The following ATP11A variants were observed in gnomAD, a reference collection of about 807,000 sequenced individuals.
The protein encoded by ATP11A is ATPase phospholipid transporting 11A.
A neutral mutation model predicts 154.4 loss-of-function variants in ATP11A; 81 were observed. The observed-to-expected ratio is 0.52, with a 90% CI of 0.44 to 0.63. The LOEUF (loss-of-function observed/expected upper bound fraction) is 0.63. Among genes scored for constraint, ATP11A ranks in the 30% least tolerant of loss-of-function variants. The pLI, the probability that ATP11A is intolerant of heterozygous loss-of-function variation, is 0.00. For missense variants in ATP11A, 1,316 were observed against 1,474.3 expected (o/e 0.89, Z 1.76); for synonymous variants, 623 against 585.9 (o/e 1.06, Z -0.91).
At chr13:112,865,699 G>A (rs7982854) in intron 25 of ATP11A, among the ~76,000 whole-genome samples, 49,634 of 152,074 alleles carry the variant, frequency 0.33, 8,503 homozygotes, top group East Asian at 0.47. Flanking sequence ...ACAGGCGCCC[G>A]CCACCACGCC....
chr13:112,694,000 T>C (rs1885503011), intron 1 of ATP11A, among the ~76,000 whole-genome samples: 1 of 152,174 alleles, frequency 6.6e-6, no homozygotes, highest in South Asian at 2.1e-4. Context: ...GCGAGTTCCA[T>C]TTCCTCTTCA....
chr13:112,788,864 G>A (rs139187094), intron 2 of ATP11A, among the ~76,000 whole-genome samples: 1,838 of 150,230 alleles, frequency 0.012, 47 homozygotes, highest in African/African-American at 0.043. Context: ...ATTCACACCC[G>A]GCATCCTGAC....
chr13:112,810,652 A>G lies in ATP11A; in HGVS notation c.367A>G (p.Asn123Asp), dbSNP rs946649060. The change falls in exon 5 of 30, where the codon AAT (asparagine) becomes GAT (aspartate). Residue 123 changes from asparagine to aspartate, a missense_variant. This residue lies in a region of ATP11A where 876 missense variants were observed against 1,006.8 expected (regional missense o/e 0.87). Coordinates refer to ENST00000375645, the MANE Select transcript of ATP11A (RefSeq NM_015205.3). ...YEDWLRHKADNAMNQCPVHFI... is the reference protein window; with the variant it reads ...YEDWLRHKADDAMNQCPVHFI... The stretch of plus-strand genomic sequence containing the variant: ...AGACTGGCTTCGACATAAAGCAGAC[A>G]ATGCCATGAACCAGTGTCCTGTTCA... 2 of 1,614,020 alleles carry G rather than the reference A, an allele frequency of 1.2e-6. No homozygotes were observed. Among genetic ancestry groups the G allele is most frequent in the Non-Finnish European group, 1.7e-6 (2 of 1,180,020 alleles).
At chr13:112,873,100 G>T (rs200159269) in intron 26 of ATP11A, among the ~76,000 whole-genome samples, 1 of 79,678 alleles carries the variant, frequency 1.3e-5, no homozygotes, top group African/African-American at 5.0e-5. Flanking sequence ...CTCCTTAATG[G>T]TGTGAGGTGT....
intron 1 of ATP11A, among the ~76,000 whole-genome samples, chr13:112,722,095 A>G (rs931350095): frequency 5.9e-5 from 9 of 152,194 alleles, no homozygotes; most frequent in African/African-American, 2.2e-4. Flanking sequence ...GAGGAGATTT[A>G]TTCTGAGCCA....
Position 112,762,890 on chromosome 13 carries a change from C to T in ATP11A, c.40-22245C>T, listed in dbSNP as rs958104825. Among the ~76,000 whole-genome samples, 16 of 152,350 alleles carry T rather than the reference C, an allele frequency of 1.1e-4. 1 individual carries two copies. The highest frequency in any genetic ancestry group is 1.0e-3 in the Admixed American group (16 of 15,300). On this transcript the variant is annotated intron_variant, in intron 1 of 29. Coordinates refer to ENST00000375645, the MANE Select transcript of ATP11A (RefSeq NM_015205.3). ...GAGCACAGGCCTTCCTCGCCGTGCG[C>T]GGCTCCTGAGCTCTGAGTGAGGCAG...
chr13:112,800,256 G>A (rs1012211392), intron 2 of ATP11A, among the ~76,000 whole-genome samples: 2 of 151,620 alleles, frequency 1.3e-5, no homozygotes, highest in African/African-American at 4.8e-5. Flanking sequence ...CTTTAGCCAG[G>A]CTAAACAAGA....
chr13:112,854,306 C>G lies in ATP11A; in HGVS notation c.2019C>G (p.Ile673Met). ...DRLQEKAADT[I>M]EALQKAGIKV... ...TGCAGGAGAAAGCTGCAGACACCAT[C>G]GAGGCCCTGCAGAAGGCCGGGATCA... The change falls in exon 19 of 30, where the codon ATC becomes ATG. Residue 673 changes from isoleucine (I) to methionine (M), a missense_variant. Physicochemically the swap from Ile to Met is conservative, Grantham distance 10. Around this residue, in one of 5 missense-constraint regions of ATP11A, gnomAD observed 876 missense variants for 1,006.8 expected, o/e 0.87. Coordinates refer to ENST00000375645, the MANE Select transcript of ATP11A (RefSeq NM_015205.3). The G allele has an allele frequency of 6.2e-7, 1 of 1,614,126 alleles. No homozygotes were observed. The highest frequency in any genetic ancestry group is 2.2e-5 in the East Asian group (1 of 44,882).
chr13:112,804,825 G>A (rs2078278132), intron 2 of ATP11A, 132 bp from the exon 3 acceptor site: 1 of 520,062 alleles, frequency 1.9e-6, no homozygotes, highest in African/African-American at 2.0e-5. Context: ...TCTAAATTAT[G>A]AATTATGAGT....
chr13:112,832,437 G>C (rs570481908), intron 13 of ATP11A, among the ~76,000 whole-genome samples: 5 of 152,220 alleles, frequency 3.3e-5, no homozygotes, highest in African/African-American at 1.2e-4. Flanking sequence ...TCTAACACAC[G>C]CTTTGGTTAG....
At chr13:112,842,469 T>TCGGA in intron 17 of ATP11A, 90 bp downstream of exon 17, 1 of 977,636 alleles carries the variant, frequency 1.0e-6, no homozygotes, top group Non-Finnish European at 1.6e-6. Flanking sequence ...TGGCTGGGAA[T>TCGGA]GGCGTATTGT....
At position 112,845,785 on chromosome 13, in the gene ATP11A, GTCCAGTTTCCAGGCACTAGTGATACTAAC is replaced by G. The variant is rs1566564897; in HGVS notation, c.1809+3407_1809+3435del. ...TTGCCGGCACTAGCGGTACTAACCAGTCCAGTTTCCAGGCACTAGTGATACTAACCAGTCCAGTTGCCGGCACTAGCAGT... is the reference window on the plus strand; with the variant it reads ...TTGCCGGCACTAGCGGTACTAACCAGCAGTCCAGTTGCCGGCACTAGCAGT... On this transcript the variant is annotated intron_variant, in intron 17 of 29. Coordinates refer to ENST00000375645, the MANE Select transcript of ATP11A (RefSeq NM_015205.3). Among the ~76,000 whole-genome samples the G allele has an allele frequency of 1.9e-4, 16 of 86,020 alleles. No individual in the cohort carries two copies. In the East Asian group the frequency reaches 2.1e-3, roughly 11 times the overall value. 56.4% of individuals were successfully genotyped at this position (86,020 alleles called of 152,430 possible).
intron 4 of ATP11A, 109 bp from the exon 5 acceptor site, chr13:112,810,510 T>G: frequency 1.1e-6 from 1 of 893,480 alleles, no homozygotes; most frequent in Non-Finnish European, 1.8e-6. Context: ...CCCACAGGCT[T>G]GGATTATGCT....
In ATP11A at chr13:112,860,329, T is replaced by C. The variant is rs527762596; in HGVS notation, c.2770T>C (p.Phe924Leu). ...GTATCTGACCCTCTACAACATCAGC[T>C]TCACCTCCCTCCCCATCCTCCTGTA... ...TAYLTLYNIS[F>L]TSLPILLYSL... Residue 924 changes from phenylalanine (F) to leucine (L), a missense_variant, in exon 24 of 30, where the codon TTC becomes CTC. Phe to Leu is a conservative substitution (Grantham distance 22). Transcript: ENST00000375645. The C allele has an allele frequency of 3.1e-6, 5 of 1,614,196 alleles. No individual in the cohort carries two copies. The African/African-American group carries it at 5.3e-5, about 17-fold the overall frequency.
chr13:112,758,615 G>C (rs944917232), intron 1 of ATP11A, among the ~76,000 whole-genome samples: 2 of 151,600 alleles, frequency 1.3e-5, no homozygotes, highest in African/African-American at 2.4e-5. Flanking sequence ...AGTAGAGATG[G>C]GGTTTCACCG....
intron 1 of ATP11A, among the ~76,000 whole-genome samples, chr13:112,706,330 A>C (rs916934973): frequency 6.6e-6 from 1 of 152,240 alleles, no homozygotes; most frequent in Non-Finnish European, 1.5e-5. Flanking sequence ...AGAGCAAATC[A>C]TACTTGATAG....
At chr13:112,809,210 T>C (rs72660036) in intron 4 of ATP11A, among the ~76,000 whole-genome samples, 71 of 152,306 alleles carry the variant, frequency 4.7e-4, no homozygotes, top group Non-Finnish European at 7.8e-4. Flanking sequence ...AAGACTGTTC[T>C]TCAGTTTCCC....
rs946162159 is a variant in ATP11A at position 112,882,257 on chromosome 13, C to G, written c.*391C>G. 2 of 606,064 alleles carry G rather than the reference C, an allele frequency of 3.3e-6. No homozygotes were observed. The highest frequency in any genetic ancestry group is 6.5e-5 in the East Asian group (1 of 15,410). The allele number at this position is 606,064 out of a possible 1,614,324, so 37.5% of individuals were successfully genotyped here. Reference sequence around the variant, plus strand: ...AGGAGGGACATTCTGCTGGCCCACCCTGCGCGCTGTCATGCAGAGGCCATT... The same window carrying G: ...AGGAGGGACATTCTGCTGGCCCACCGTGCGCGCTGTCATGCAGAGGCCATT... On this transcript the variant is annotated 3_prime_UTR_variant, in exon 30 of 30. Coordinates refer to ENST00000375645, the MANE Select transcript of ATP11A (RefSeq NM_015205.3). This position sits in a 1 kb window ranked among gnomAD's most constrained non-coding sequence, Gnocchi z 5.1.
rs547942652 is a variant in ATP11A, at chr13:112,717,137, C to T, written c.39+26682C>T. Among the ~76,000 whole-genome samples, 14 of 152,322 alleles carry T rather than the reference C, an allele frequency of 9.2e-5. No homozygotes were observed. The East Asian group carries it at 9.6e-4, about 10-fold the overall frequency. On this transcript the variant is annotated intron_variant, in intron 1 of 29. Coordinates refer to ENST00000375645, the MANE Select transcript of ATP11A (RefSeq NM_015205.3). Reference sequence around the variant, plus strand: ...GCCAGGAGGAGAGCAGACACGCTTCCGCCTTGAGGACGGCACTTGTTCAAG... The same window carrying T: ...GCCAGGAGGAGAGCAGACACGCTTCTGCCTTGAGGACGGCACTTGTTCAAG...
Sources: gnomAD v4.1 joint callset for allele counts (sites outside exome capture counted in the v4.1 genomes callset) on GRCh38, gnomAD v4.1.1 for gene constraint, gnomAD v4.1.1 regional missense constraint, Gnocchi (gnomAD v3.1) non-coding constraint, MANE v1.5 for transcripts, NCBI Gene and HGNC (gene_info 2026-07-23, HGNC 2026-07-21) for gene names.